The following PTPRN2 variants were observed in gnomAD, a reference collection of about 807,000 sequenced individuals.
PTPRN2 encodes protein tyrosine phosphatase receptor type N2.
A neutral mutation model predicts 118.8 loss-of-function variants in PTPRN2; 74 were observed. That is an observed-to-expected ratio of 0.62 (90% CI 0.52 to 0.76). The LOEUF is 0.76. Among genes scored for constraint, PTPRN2 ranks in the 30% least tolerant of loss-of-function variants. The pLI is 0.00. For missense variants in PTPRN2, 1,481 were observed against 1,394.4 expected, an observed-to-expected ratio of 1.06 and a Z score of -0.99; for synonymous variants, 641 against 608.0, an observed-to-expected ratio of 1.05 and a Z score of -0.80.
At chr7:158,310,426 G>T (rs796322275) in intron 3 of PTPRN2, among the ~76,000 whole-genome samples, 3 of 152,388 alleles carry the variant, frequency 2.0e-5, no homozygotes, top group African/African-American at 7.2e-5. Flanking sequence ...TGGAGAAGAG[G>T]CTGTGCTCCT....
Position 158,480,603 on chromosome 7 carries a change from C to T in PTPRN2, c.163+9132G>A, listed in dbSNP as rs116049963. 4.9e-3 allele frequency among the ~76,000 whole-genome samples: 750 copies of T among 152,230 alleles called. 6 individuals are homozygous for T. Among genetic ancestry groups the T allele is most frequent in the African/African-American group, 0.016 (685 of 41,524 alleles). On this transcript the variant is annotated intron_variant, in intron 2 of 22. Coordinates refer to ENST00000389418, the MANE Select transcript of PTPRN2 (RefSeq NM_002847.5). ...AGAATAGGCCAAAAATGAGGCCTCTCGTGTAAAACAGTTAGCCAAGTTGTG... is the reference window on the plus strand; with the variant it reads ...AGAATAGGCCAAAAATGAGGCCTCTTGTGTAAAACAGTTAGCCAAGTTGTG...
At chr7:158,033,339 C>T (rs967835825) in intron 11 of PTPRN2, among the ~76,000 whole-genome samples, 4 of 152,150 alleles carry the variant, frequency 2.6e-5, no homozygotes, top group African/African-American at 2.4e-5. Flanking sequence ...AATGATAAGT[C>T]GTTTTAGCCA....
At position 157,599,354 on chromosome 7, in the gene PTPRN2, C is replaced by T. The variant is rs544494489; in HGVS notation, c.2419-4039G>A. Among the ~76,000 whole-genome samples the T allele has an allele frequency of 2.0e-5, 3 of 152,288 alleles. No individual in the cohort carries two copies. In the South Asian group the frequency reaches 6.2e-4, roughly 32 times the overall value. The stretch of plus-strand genomic sequence containing the variant: ...TAAAGCCCATTTGTCTGTGTTGACT[C>T]TGTTATCCCTTGGTTGACTGATTCT... On this transcript the variant is annotated intron_variant, in intron 16 of 22. Coordinates refer to ENST00000389418, the MANE Select transcript of PTPRN2 (RefSeq NM_002847.5).
At chr7:158,045,486 T>A (rs1234620896) in intron 11 of PTPRN2, among the ~76,000 whole-genome samples, 1 of 152,058 alleles carries the variant, frequency 6.6e-6, no homozygotes, top group East Asian at 1.9e-4. Context: ...TAGCAAGACA[T>A]GAGAAACAGG....
chr7:157,715,874 G>A lies in PTPRN2; in HGVS notation c.1789-32937C>T, dbSNP rs916940902. ...ACACCCAGGGCAGCACTCCAGGCAGGCTGCATGCTCCGGGGAGACACAGAT... is the reference window on the plus strand; with the variant it reads ...ACACCCAGGGCAGCACTCCAGGCAGACTGCATGCTCCGGGGAGACACAGAT... On this transcript the variant is annotated intron_variant, in intron 12 of 22. Coordinates refer to ENST00000389418, the MANE Select transcript of PTPRN2 (RefSeq NM_002847.5). 1.8e-4 allele frequency among the ~76,000 whole-genome samples: 27 copies of A among 152,222 alleles called. 1 individual carries two copies. Among genetic ancestry groups the A allele is most frequent in the African/African-American group, 6.3e-4 (26 of 41,466 alleles).
chr7:158,366,813 G>GGTTTCT (rs1310318951), intron 2 of PTPRN2, among the ~76,000 whole-genome samples: 1 of 152,204 alleles, frequency 6.6e-6, no homozygotes, highest in Non-Finnish European at 1.5e-5. Context: ...TCGTTTAGCT[G>GGTTTCT]GTTTCTGTTT....
At chr7:158,467,325 TTGAG>T (rs1328266286) in intron 2 of PTPRN2, among the ~76,000 whole-genome samples, 1 of 152,140 alleles carries the variant, frequency 6.6e-6, no homozygotes, top group Admixed American at 6.6e-5. Flanking sequence ...TGCTATTGAG[TTGAG>T]TGAGTTCCTT....
At chr7:158,322,250 G>C (rs992786180) in intron 2 of PTPRN2, among the ~76,000 whole-genome samples, 1 of 152,182 alleles carries the variant, frequency 6.6e-6, no homozygotes, top group African/African-American at 2.4e-5. Context: ...CACAGAAAAA[G>C]CAGACACTGC....
intron 11 of PTPRN2, among the ~76,000 whole-genome samples, chr7:157,954,970 T>C (rs1191281767): frequency 6.6e-6 from 1 of 152,226 alleles, no homozygotes; most frequent in Non-Finnish European, 1.5e-5. Flanking sequence ...GGCAATCTTT[T>C]TGTTTTTACA....
At chr7:157,776,577 TCC>T (rs1803296997) in intron 12 of PTPRN2, among the ~76,000 whole-genome samples, 1 of 73,042 alleles carries the variant, frequency 1.4e-5, no homozygotes. Context: ...CCTCTCCTCC[TCC>T]CTCTTCTTCT....
intron 2 of PTPRN2, among the ~76,000 whole-genome samples, chr7:158,452,899 C>T (rs942640761): frequency 6.6e-6 from 1 of 152,234 alleles, no homozygotes; most frequent in Non-Finnish European, 1.5e-5. Context: ...TGCCCCGTGG[C>T]TCAGGGGCAC....
intron 3 of PTPRN2, among the ~76,000 whole-genome samples, chr7:158,315,347 G>C (rs1294320809): frequency 6.9e-6 from 1 of 145,556 alleles, no homozygotes; most frequent in Non-Finnish European, 1.5e-5. Flanking sequence ...GGTGAACCCG[G>C]GACGCCCTCA....
intron 12 of PTPRN2, among the ~76,000 whole-genome samples, chr7:157,757,533 G>C (rs1801863867): frequency 1.3e-5 from 2 of 152,030 alleles, no homozygotes; most frequent in South Asian, 4.2e-4. Flanking sequence ...GCAGAGGAAG[G>C]TCTTCCAGTC....
chr7:158,414,425 A>C (rs573225410), intron 2 of PTPRN2, among the ~76,000 whole-genome samples: 2 of 152,306 alleles, frequency 1.3e-5, no homozygotes, highest in Non-Finnish European at 2.9e-5. Context: ...GAAGGAAAGA[A>C]ATAACCTTAA....
At chr7:158,098,444 T>TA (rs1205733110) in intron 10 of PTPRN2, among the ~76,000 whole-genome samples, 2 of 152,150 alleles carry the variant, frequency 1.3e-5, no homozygotes, top group Non-Finnish European at 2.9e-5. Context: ...GGGTGACGCT[T>TA]ACCCAGGACT....
At chr7:158,057,137 C>T (rs1023640862) in intron 11 of PTPRN2, among the ~76,000 whole-genome samples, 2 of 152,220 alleles carry the variant, frequency 1.3e-5, no homozygotes. Flanking sequence ...CATCTATCAT[C>T]AATCCTCTGC....
chr7:157,697,357 C>A (rs1797843191), intron 12 of PTPRN2, among the ~76,000 whole-genome samples: 1 of 140,208 alleles, frequency 7.1e-6, no homozygotes. Context: ...AGAGCCCTCA[C>A]CATCTACCCA....
chr7:157,963,301 A>T (rs1036375279), intron 11 of PTPRN2, among the ~76,000 whole-genome samples: 1 of 152,248 alleles, frequency 6.6e-6, no homozygotes, highest in Non-Finnish European at 1.5e-5. Context: ...AAAACTGACA[A>T]CTTTGTTGCC....
intron 2 of PTPRN2, among the ~76,000 whole-genome samples, chr7:158,325,940 A>G (rs1358154782): frequency 1.3e-5 from 2 of 152,238 alleles, no homozygotes; most frequent in African/African-American, 4.8e-5. Context: ...GTCTCACAGC[A>G]GCTCCCTGGG....
Sources: gnomAD v4.1 joint callset for allele counts (sites outside exome capture counted in the v4.1 genomes callset) on GRCh38, gnomAD v4.1.1 for gene constraint, MANE v1.5 for transcripts, NCBI Gene and HGNC (gene_info 2026-07-23, HGNC 2026-07-21) for gene names.